The following DMD variants were observed in gnomAD, a reference collection of about 807,000 sequenced individuals.
The protein encoded by DMD is dystrophin, also known as mutant dystrophin.
A neutral mutation model predicts 330.1 loss-of-function variants in DMD; 63 were observed. The observed-to-expected ratio is 0.19, with a 90% CI of 0.16 to 0.24. The LOEUF is 0.24. Among genes scored for constraint, DMD ranks in the 10% least tolerant of loss-of-function variants. The pLI is 1.00. For missense variants in DMD, 3,344 were observed against 2,684.1 expected (o/e 1.25, Z -5.43); for synonymous variants, 1,223 against 959.8 (o/e 1.27, Z -5.07).
At chrX:31,347,928 G>A (rs984097071) in intron 61 of DMD, among the ~76,000 whole-genome samples, 1 of 111,913 alleles carries the variant, frequency 8.9e-6, no homozygotes, top group African/African-American at 3.2e-5. Context: ...GGGGTAAGAC[G>A]ATATATCATG....
At chrX:32,832,168 G>A (rs957471484) in intron 4 of DMD, among the ~76,000 whole-genome samples, 1 of 110,728 alleles carries the variant, frequency 9.0e-6, no homozygotes, top group East Asian at 2.8e-4. Context: ...TAAGGGAGGG[G>A]GATAAGGGTA....
intron 2 of DMD, among the ~76,000 whole-genome samples, chrX:33,009,870 A>G (rs766775419): frequency 3.3e-5 from 2 of 60,027 alleles, no homozygotes; most frequent in Non-Finnish European, 5.6e-5. Flanking sequence ...ATATGTGTGT[A>G]TATGTGTATA....
intron 62 of DMD, among the ~76,000 whole-genome samples, chrX:31,308,581 T>C (rs1009576340): frequency 5.4e-5 from 6 of 111,488 alleles, no homozygotes; most frequent in African/African-American, 2.0e-4. Context: ...AATTATTTAT[T>C]TATTTATTTA....
At chrX:33,166,178 G>A (rs1225050896) in intron 1 of DMD, among the ~76,000 whole-genome samples, 1 of 110,994 alleles carries the variant, frequency 9.0e-6, no homozygotes, top group Non-Finnish European at 1.9e-5. Context: ...TGGAGTGATT[G>A]ATATAGTTTG....
chrX:31,185,600 G>A (rs923201671), intron 67 of DMD, among the ~76,000 whole-genome samples: 1 of 111,433 alleles, frequency 9.0e-6, no homozygotes, highest in Non-Finnish European at 1.9e-5. Context: ...TTTCAATGTT[G>A]TTTTTTATTT....
chrX:31,932,603 A>G (rs1283221040), intron 45 of DMD, among the ~76,000 whole-genome samples: 1 of 110,934 alleles, frequency 9.0e-6, no homozygotes, highest in Non-Finnish European at 1.9e-5. Context: ...AAAATTTGCC[A>G]GGTTTGGTGG....
At chrX:31,900,616 T>C (rs185620994) in intron 47 of DMD, among the ~76,000 whole-genome samples, 81 of 111,009 alleles carry the variant, frequency 7.3e-4, no homozygotes, top group Non-Finnish European at 1.2e-3. Flanking sequence ...ACCAGTAGAG[T>C]GGGGCACTGC....
intron 51 of DMD, among the ~76,000 whole-genome samples, chrX:31,744,563 G>A (rs761910490): frequency 2.7e-5 from 3 of 112,223 alleles, no homozygotes; most frequent in South Asian, 3.7e-4. Flanking sequence ...TTATCAAGAC[G>A]AATTCTCTTG....
intron 1 of DMD, among the ~76,000 whole-genome samples, chrX:33,327,923 G>A (rs1437546551): frequency 8.9e-6 from 1 of 111,739 alleles, no homozygotes; most frequent in African/African-American, 3.2e-5. Context: ...CGCATGAACT[G>A]CACCTAGCAT....
chrX:32,674,682 C>A (rs2061853250), intron 9 of DMD, among the ~76,000 whole-genome samples: 1 of 110,912 alleles, frequency 9.0e-6, no homozygotes, highest in Admixed American at 9.7e-5. Flanking sequence ...CCTTTTGTTT[C>A]CTATTTGGGT....
chrX:32,230,298 G>A (rs1371667143), intron 43 of DMD, among the ~76,000 whole-genome samples: 1 of 112,298 alleles, frequency 8.9e-6, no homozygotes, highest in Non-Finnish European at 1.9e-5. Context: ...AGGCTGGAGT[G>A]CAGCGGCGCG....
At chrX:32,973,168 T>G (rs1219342520) in intron 2 of DMD, among the ~76,000 whole-genome samples, 2 of 112,463 alleles carry the variant, frequency 1.8e-5, no homozygotes, top group Non-Finnish European at 3.8e-5. Context: ...AATTTGACCT[T>G]GTTTTACTGA....
chrX:31,631,298 A>AC (rs1160739269), intron 54 of DMD, among the ~76,000 whole-genome samples: 1 of 110,632 alleles, frequency 9.0e-6, no homozygotes, highest in Non-Finnish European at 1.9e-5. Flanking sequence ...AATACTTCTG[A>AC]CCCCAGCTGC....
chrX:33,023,074 T>C (rs897063511), intron 1 of DMD, among the ~76,000 whole-genome samples: 2 of 112,038 alleles, frequency 1.8e-5, no homozygotes, highest in African/African-American at 6.5e-5. Context: ...TACTAATTGA[T>C]ATTTGGTATT....
intron 1 of DMD, among the ~76,000 whole-genome samples, chrX:33,048,480 A>C (rs2094413047): frequency 9.1e-6 from 1 of 109,771 alleles, no homozygotes; most frequent in Non-Finnish European, 1.9e-5. Context: ...ACCTGAGGTC[A>C]GGAGTTCAAG....
chrX:31,412,488 T>A (rs188656745), intron 60 of DMD, among the ~76,000 whole-genome samples: 6 of 111,996 alleles, frequency 5.4e-5, no homozygotes, highest in Admixed American at 3.8e-4. Flanking sequence ...TTCTGAAAGA[T>A]TTTCTCACAA....
chrX:31,340,344 C>T (rs1238782882), intron 61 of DMD, among the ~76,000 whole-genome samples: 1 of 112,493 alleles, frequency 8.9e-6, no homozygotes, highest in Non-Finnish European at 1.9e-5. Flanking sequence ...CCCATTGCCA[C>T]TGCAAGAGGT....
At chrX:31,257,887 C>A (rs192779864) in intron 63 of DMD, among the ~76,000 whole-genome samples, 50 of 111,912 alleles carry the variant, frequency 4.5e-4, no homozygotes, top group Admixed American at 3.3e-3. Context: ...GCGGAGGTTG[C>A]CGTGAGCCAA....
chrX:32,006,680 T>C (rs1177015775), intron 44 of DMD, among the ~76,000 whole-genome samples: 2 of 110,989 alleles, frequency 1.8e-5, no homozygotes, highest in Admixed American at 9.6e-5. Flanking sequence ...TCACCAGATT[T>C]GGAAATAGGG....
Sources: allele counts gnomAD v4.1 joint callset (sites outside exome capture counted in the v4.1 genomes callset), GRCh38; gene constraint gnomAD v4.1.1; transcripts MANE v1.5; gene names NCBI Gene and HGNC (gene_info 2026-07-23, HGNC 2026-07-21).